Variants in FCN2 observed in about 807,000 individuals in gnomAD.
The protein encoded by FCN2 is ficolin-2.
In FCN2, 31 loss-of-function variants were observed where a neutral mutation model predicts 32.5. The observed-to-expected ratio is 0.96, with a 90% CI of 0.72 to 1.29. FCN2 has a LOEUF of 1.29. FCN2 is among the 50% of genes most tolerant of loss of function. The probability of loss-of-function intolerance (pLI) is 0.00; values close to 1 mark genes in which losing one functional copy is unlikely to be tolerated. For synonymous variants in FCN2, 181 were observed against 164.5 expected (o/e 1.10, Z -0.77); for missense variants, 412 against 406.5 (o/e 1.01, Z -0.12).
At chr9:134,877,711 T>G (rs1830615709), upstream of FCN2, among the ~76,000 whole-genome samples, 1 of 152,198 alleles carries the variant, frequency 6.6e-6, no homozygotes, top group African/African-American at 2.4e-5. Context: ...ATGGGATCCA[T>G]GCCTGCCTGG....
At chr9:134,882,168 C>T (rs577302682) in intron 1 of FCN2, among the ~76,000 whole-genome samples, 31 of 152,210 alleles carry the variant, frequency 2.0e-4, no homozygotes, top group South Asian at 2.1e-4. Context: ...CTGCACCCCT[C>T]GGTAGGTAAG....
At chr9:134,871,408 C>T in the FCN2 span, among the ~76,000 whole-genome samples, 1 of 152,220 alleles carries the variant, frequency 6.6e-6, no homozygotes, top group Non-Finnish European at 1.5e-5. Context: ...CGGGTCCCAC[C>T]TGTCAGGTCA....
In FCN2 at chr9:134,885,857, C is replaced by T. The variant is rs762434276; in HGVS notation, c.519C>T (p.Phe173=). The part of the protein sequence containing the change: ...KQGFGSRLGE[F]WLGNDNIHAL... ...GCTTCGGCAGTCGGCTGGGGGAGTT[C>T]TGGCTGGGGAATGACAACATCCACG... The change falls in exon 6 of 8, where the codon TTC becomes TTT. Residue 173 remains phenylalanine, a synonymous_variant. Transcript: ENST00000291744. 1 of 1,613,788 alleles carries T rather than the reference C, an allele frequency of 6.2e-7. No homozygotes were observed. Among genetic ancestry groups the T allele is most frequent in the South Asian group, 1.1e-5 (1 of 91,066 alleles).
chr9:134,867,111 A>C, the FCN2 span, among the ~76,000 whole-genome samples: 243 of 129,264 alleles, frequency 1.9e-3, no homozygotes, highest in South Asian at 8.3e-3. Context: ...AACTAGAAAT[A>C]CCATTTGACC....
chr9:134,884,896 C>T, intron 4 of FCN2, 124 bp downstream of exon 4: 4 of 920,310 alleles, frequency 4.3e-6, no homozygotes, highest in Non-Finnish European at 7.0e-6. Context: ...GGTTGCTTGC[C>T]CGTTTCCTTG....
At chr9:134,872,352 T>G in the FCN2 span, among the ~76,000 whole-genome samples, 1 of 152,202 alleles carries the variant, frequency 6.6e-6, no homozygotes, top group African/African-American at 2.4e-5. Flanking sequence ...TTAGGTTGCT[T>G]CCAGGTGGGG....
At position 134,887,503 on chromosome 9, in the gene FCN2, AAC is replaced by A; in HGVS notation, c.*92_*93del. The A allele has an allele frequency of 7.8e-7, 1 of 1,285,658 alleles. No homozygotes were observed. The highest frequency in any genetic ancestry group is 1.1e-6 in the Non-Finnish European group (1 of 898,378). 79.6% of individuals were successfully genotyped at this position (1,285,658 alleles called of 1,614,324 possible). On this transcript the variant is annotated 3_prime_UTR_variant, in exon 8 of 8. Coordinates refer to ENST00000291744, the MANE Select transcript of FCN2 (RefSeq NM_004108.3). ...GCTTGGCCCTACGGTTTGTAAAAGA[AAC>A]ACATGTCGTGATTCTAAATTGGGTT...
chr9:134,877,401 T>G (rs1387054681), upstream of FCN2, among the ~76,000 whole-genome samples: 1 of 152,252 alleles, frequency 6.6e-6, no homozygotes, highest in Non-Finnish European at 1.5e-5. Context: ...TCCTATATCT[T>G]ATTTAGAAGA....
At chr9:134,884,312 G>A (rs1329530528) in intron 3 of FCN2, among the ~76,000 whole-genome samples, 1 of 152,120 alleles carries the variant, frequency 6.6e-6, no homozygotes, top group Admixed American at 6.5e-5. Flanking sequence ...CCAAACCCCA[G>A]GCTCAGTCAT....
chr9:134,867,583 A>G, the FCN2 span, among the ~76,000 whole-genome samples: 1 of 150,934 alleles, frequency 6.6e-6, no homozygotes, highest in Admixed American at 6.6e-5. Flanking sequence ...TGGCACATGT[A>G]TACATATGTA....
the FCN2 span, among the ~76,000 whole-genome samples, chr9:134,866,503 G>T: frequency 6.7e-6 from 1 of 149,880 alleles, no homozygotes; most frequent in Non-Finnish European, 1.5e-5. Flanking sequence ...ATGGATTAAA[G>T]ACTTAAATGT....
intron 3 of FCN2, among the ~76,000 whole-genome samples, chr9:134,883,723 C>T (rs1399124693): frequency 5.9e-5 from 5 of 84,684 alleles, no homozygotes; most frequent in Non-Finnish European, 7.1e-5. Context: ...GAGGGGTTCC[C>T]GGTGGGCAGG....
chr9:134,884,841 G>C (rs909103071), intron 4 of FCN2, 69 bp downstream of exon 4: 2 of 1,389,956 alleles, frequency 1.4e-6, no homozygotes, highest in African/African-American at 2.8e-5. Context: ...AGGGTCATAC[G>C]ACGCCATTGC....
At chr9:134,872,853 AT>A in the FCN2 span, among the ~76,000 whole-genome samples, 1 of 152,248 alleles carries the variant, frequency 6.6e-6, no homozygotes, top group South Asian at 2.1e-4. Context: ...CTTTTTCCAA[AT>A]TGCAAAGCAG....
At chr9:134,884,680 G>A in intron 3 of FCN2, 60 bp from the exon 4 acceptor site, 2 of 1,537,198 alleles carry the variant, frequency 1.3e-6, no homozygotes, top group Non-Finnish European at 1.8e-6. Context: ...GGACCAATGG[G>A]GGCTGAAGGG....
At chr9:134,885,036 G>A (rs1469583456) in intron 4 of FCN2, among the ~76,000 whole-genome samples, 1 of 152,224 alleles carries the variant, frequency 6.6e-6, no homozygotes, top group African/African-American at 2.4e-5. Context: ...GGGTGACACT[G>A]GGAGGTGGGA....
the FCN2 span, among the ~76,000 whole-genome samples, chr9:134,864,392 T>G: frequency 6.6e-6 from 1 of 152,148 alleles, no homozygotes; most frequent in Non-Finnish European, 1.5e-5. Flanking sequence ...GTGGGAAGCC[T>G]GTGGGGCCTG....
rs781566860 is a variant in FCN2, at chr9:134,887,458, G to C, written c.*43G>C. On this transcript the variant is annotated 3_prime_UTR_variant, in exon 8 of 8. Coordinates refer to ENST00000291744, the MANE Select transcript of FCN2 (RefSeq NM_004108.3). The stretch of plus-strand genomic sequence containing the variant: ...GTCAGGACGCCTCCACACATAGTTG[G>C]TTGGGGGGTAGGGTTGGGAGCTTGG... 2 of 1,599,332 alleles carry C rather than the reference G, an allele frequency of 1.3e-6. No individual in the cohort carries two copies. Among genetic ancestry groups the C allele is most frequent in the Admixed American group, 1.7e-5 (1 of 59,776 alleles).
At chr9:134,872,487 C>T in the FCN2 span, among the ~76,000 whole-genome samples, 2 of 152,152 alleles carry the variant, frequency 1.3e-5, no homozygotes, top group African/African-American at 2.4e-5. Flanking sequence ...TGTATTAGCC[C>T]GTTCTCACAC....
Sources: allele counts gnomAD v4.1 joint callset (sites outside exome capture counted in the v4.1 genomes callset), GRCh38; gene constraint gnomAD v4.1.1; transcripts MANE v1.5; gene names NCBI Gene and HGNC (gene_info 2026-07-23, HGNC 2026-07-21).